The following SLC31A1 variants were observed in gnomAD, a reference collection of about 807,000 sequenced individuals.
SLC31A1 encodes solute carrier family 31 member 1.
A neutral mutation model predicts 17.2 loss-of-function variants in SLC31A1; 5 were observed. The ratio of observed to expected loss-of-function variants is 0.29; its 90% confidence interval spans 0.15 to 0.61. SLC31A1 has a LOEUF of 0.61. Among genes scored for constraint, SLC31A1 ranks in the 20% least tolerant of loss-of-function variants. The pLI, the probability that SLC31A1 is intolerant of heterozygous loss-of-function variation, is 0.86. For missense variants in SLC31A1, 161 were observed against 241.4 expected (o/e 0.67, Z 2.21); for synonymous variants, 76 against 78.8 (o/e 0.96, Z 0.19).
intron 1 of SLC31A1, among the ~76,000 whole-genome samples, chr9:113,244,616 T>C (rs1444835786): frequency 2.0e-5 from 3 of 152,186 alleles, no homozygotes; most frequent in Non-Finnish European, 4.4e-5. Flanking sequence ...AGCCCCAACA[T>C]TGCTATGAAG....
Position 113,258,274 on chromosome 9 carries a change from T to G in SLC31A1, c.203-420T>G, listed in dbSNP as rs149097289. 6.6e-6 allele frequency among the ~76,000 whole-genome samples: 1 copy of G among 152,310 alleles called. No homozygotes were observed. The highest frequency in any genetic ancestry group is 2.4e-5 in the African/African-American group (1 of 41,558). ...TGTTAAATTAGCAGTTTGAATACAT[T>G]TATATCATTACCAACACTTCACAGT... is the stretch of plus-strand genomic sequence containing the variant. On this transcript the variant is annotated intron_variant, in intron 3 of 4. Transcript: ENST00000374212. This position sits in a 1 kb window ranked among gnomAD's most constrained non-coding sequence, Gnocchi z 4.8.
chr9:113,256,199 C>G lies in SLC31A1; in HGVS notation c.51C>G (p.Thr17=). ...TGAGCTATATGGACTCCAACAGTAC[C>G]ATGCAACCTTCTCACCATCACCCAA... ...MGMSYMDSNS[T]MQPSHHHPTT... is the part of the protein sequence containing the mutation. Residue 17 remains threonine, a synonymous_variant, in exon 2 of 5, where the codon ACC becomes ACG. Transcript: ENST00000374212. 4 of 1,613,130 alleles carry G rather than the reference C, an allele frequency of 2.5e-6. No individual in the cohort carries two copies. The highest frequency in any genetic ancestry group is 3.4e-6 in the Non-Finnish European group (4 of 1,179,992).
chr9:113,224,495 C>A (rs966464568), intron 1 of SLC31A1, among the ~76,000 whole-genome samples: 7 of 150,944 alleles, frequency 4.6e-5, no homozygotes, highest in African/African-American at 1.7e-4. Context: ...ATGGCACAAT[C>A]TCGGCTCACC....
chr9:113,259,523 T>G (rs941565155), intron 4 of SLC31A1, among the ~76,000 whole-genome samples: 3 of 152,082 alleles, frequency 2.0e-5, no homozygotes, highest in African/African-American at 7.2e-5. Context: ...TTATCCCTAA[T>G]TAAGTAATTT....
intron 1 of SLC31A1, among the ~76,000 whole-genome samples, chr9:113,224,420 G>T (rs1216850458): frequency 1.3e-5 from 2 of 148,978 alleles, no homozygotes; most frequent in African/African-American, 5.0e-5. Flanking sequence ...TGTGTTATCT[G>T]TATGCTCACT....
chr9:113,264,257 T>G lies in SLC31A1; in HGVS notation c.*3784T>G, dbSNP rs1831829920. 2.7e-5 allele frequency: 4 copies of G among 150,476 alleles called. No individual in the cohort carries two copies. The highest frequency in any genetic ancestry group is 6.8e-3 in the Middle Eastern group (2 of 292). 9.3% of individuals were successfully genotyped at this position (150,476 alleles called of 1,614,324 possible). A position where few individuals can be genotyped will look rare whatever the true frequency, so the allele number is the denominator to read the frequency against. Reference sequence around the variant, plus strand: ...TGAACCCAGGAGGCGGAGGTTGCAGTGAGCCAAGATGGCGCCATTGCACTC... The same window carrying G: ...TGAACCCAGGAGGCGGAGGTTGCAGGGAGCCAAGATGGCGCCATTGCACTC... On this transcript the variant is annotated 3_prime_UTR_variant, in exon 5 of 5. Transcript: ENST00000374212.
intron 1 of SLC31A1, among the ~76,000 whole-genome samples, chr9:113,254,066 T>C (rs1831692834): frequency 6.6e-6 from 1 of 150,574 alleles, no homozygotes; most frequent in African/African-American, 2.4e-5. Context: ...GTGATTCTCA[T>C]GCCTCAGCCA....
intron 1 of SLC31A1, among the ~76,000 whole-genome samples, chr9:113,237,948 T>C (rs946928110): frequency 6.6e-6 from 1 of 152,224 alleles, no homozygotes; most frequent in African/African-American, 2.4e-5. Flanking sequence ...AAACAAGATA[T>C]GAATGCATTA....
At chr9:113,225,564 G>A (rs1172615769) in intron 1 of SLC31A1, among the ~76,000 whole-genome samples, 1 of 152,164 alleles carries the variant, frequency 6.6e-6, no homozygotes, top group Non-Finnish European at 1.5e-5. Context: ...GTATTAATCT[G>A]TTAAAATTTT....
intron 1 of SLC31A1, among the ~76,000 whole-genome samples, chr9:113,241,591 G>A (rs1044330683): frequency 5.3e-5 from 8 of 152,124 alleles, no homozygotes; most frequent in South Asian, 2.1e-4. Flanking sequence ...TCTGTGACCC[G>A]CAAATTAAGA....
At chr9:113,255,388 T>G (rs1831708915) in intron 1 of SLC31A1, among the ~76,000 whole-genome samples, 1 of 152,218 alleles carries the variant, frequency 6.6e-6, no homozygotes, top group African/African-American at 2.4e-5. Flanking sequence ...TATCTAATAT[T>G]TAAGTTTGAA....
chr9:113,230,030 T>G (rs1393514491), intron 1 of SLC31A1, among the ~76,000 whole-genome samples: 4 of 152,198 alleles, frequency 2.6e-5, no homozygotes, highest in Admixed American at 2.6e-4. Context: ...AAGTAGAGGA[T>G]TCAGAAGATT....
intron 1 of SLC31A1, among the ~76,000 whole-genome samples, chr9:113,252,298 A>C (rs1055579736): frequency 6.6e-6 from 1 of 152,150 alleles, no homozygotes; most frequent in African/African-American, 2.4e-5. Flanking sequence ...GTGGTACTAT[A>C]GTCCTGCTTT....
chr9:113,238,628 G>A (rs1404268476), intron 1 of SLC31A1, among the ~76,000 whole-genome samples: 1 of 152,150 alleles, frequency 6.6e-6, no homozygotes, highest in Non-Finnish European at 1.5e-5. Context: ...CGGGTATGGT[G>A]GCACACGCCT....
intron 1 of SLC31A1, among the ~76,000 whole-genome samples, chr9:113,236,290 A>G (rs746296229): frequency 5.4e-5 from 8 of 149,100 alleles, no homozygotes; most frequent in South Asian, 4.3e-4. Flanking sequence ...GCCCAGCCCT[A>G]TTATTCAGAG....
intron 1 of SLC31A1, among the ~76,000 whole-genome samples, chr9:113,225,779 C>T (rs1359185190): frequency 2.6e-5 from 4 of 152,176 alleles, no homozygotes; most frequent in African/African-American, 4.8e-5. Context: ...AGACTCATCT[C>T]TACTGTTAAT....
At chr9:113,245,235 TTTG>T (rs141292489) in intron 1 of SLC31A1, among the ~76,000 whole-genome samples, 2,312 of 152,214 alleles carry the variant, frequency 0.015, 59 homozygotes, top group African/African-American at 0.053. Flanking sequence ...TTTTGTTTTG[TTTG>T]TTGTTGTTGT....
chr9:113,256,860 C>CA (rs10705989), intron 2 of SLC31A1, among the ~76,000 whole-genome samples: 8,876 of 102,382 alleles, frequency 0.087, 546 homozygotes, highest in East Asian at 0.38. Flanking sequence ...GAATCCGTAT[C>CA]AAAAAAAAAA....
At chr9:113,244,016 G>T (rs768671794) in intron 1 of SLC31A1, among the ~76,000 whole-genome samples, 1 of 151,854 alleles carries the variant, frequency 6.6e-6, no homozygotes, top group African/African-American at 2.4e-5. Flanking sequence ...TTAGCCAGGC[G>T]TGGTGGTGGG....
Sources: gnomAD v4.1 joint callset for allele counts (sites outside exome capture counted in the v4.1 genomes callset) on GRCh38, gnomAD v4.1.1 for gene constraint, Gnocchi (gnomAD v3.1) non-coding constraint, MANE v1.5 for transcripts, NCBI Gene and HGNC (gene_info 2026-07-23, HGNC 2026-07-21) for gene names.